Variants in CACNA2D1 observed in about 807,000 individuals in gnomAD.
CACNA2D1 encodes calcium voltage-gated channel auxiliary subunit alpha2delta 1, also known as voltage-dependent calcium channel subunit alpha-2/delta-1.
Under a neutral mutation model 171.5 loss-of-function variants are expected in CACNA2D1, and 53 were observed. That is an observed-to-expected ratio of 0.31 (90% CI 0.25 to 0.39). The LOEUF (loss-of-function observed/expected upper bound fraction) is 0.39. CACNA2D1 is among the 10% of genes least tolerant of loss of function. The probability of loss-of-function intolerance (pLI) is 1.00; values close to 1 mark genes in which losing one functional copy is unlikely to be tolerated. For missense variants in CACNA2D1, 903 were observed against 1,299.8 expected (o/e 0.69, Z 4.69); for synonymous variants, 442 against 443.1 (o/e 1.00, Z 0.03).
chr7:82,034,182 T>C (rs1803034848), intron 11 of CACNA2D1, among the ~76,000 whole-genome samples: 3 of 152,130 alleles, frequency 2.0e-5, no homozygotes, highest in Non-Finnish European at 2.9e-5. Context: ...ATCAGCCACC[T>C]TTCAAGTGCT....
intron 10 of CACNA2D1, among the ~76,000 whole-genome samples, chr7:82,052,225 G>C (rs1805274381): frequency 6.6e-6 from 1 of 152,048 alleles, no homozygotes; most frequent in African/African-American, 2.4e-5. Flanking sequence ...TACGGTCAAA[G>C]TTAACTATAG....
At chr7:82,011,347 C>A (rs1421392734) in intron 15 of CACNA2D1, among the ~76,000 whole-genome samples, 1 of 152,118 alleles carries the variant, frequency 6.6e-6, no homozygotes, top group Non-Finnish European at 1.5e-5. Flanking sequence ...GCATTCAAAG[C>A]CATCCTGGAC....
At chr7:82,130,338 A>G (rs1453877525) in intron 5 of CACNA2D1, among the ~76,000 whole-genome samples, 3 of 152,188 alleles carry the variant, frequency 2.0e-5, no homozygotes, top group African/African-American at 7.2e-5. Flanking sequence ...CCGCTTAGGG[A>G]AGTTACTGGT....
At chr7:82,373,927 A>C (rs4236669) in intron 1 of CACNA2D1, among the ~76,000 whole-genome samples, 1 of 152,072 alleles carries the variant, frequency 6.6e-6, no homozygotes, top group Admixed American at 6.5e-5. Flanking sequence ...TCATAGTTTC[A>C]AACAATACAA....
chr7:82,241,009 ATAAAG>A (rs1458854193), intron 3 of CACNA2D1, among the ~76,000 whole-genome samples: 1 of 151,970 alleles, frequency 6.6e-6, no homozygotes, highest in African/African-American at 2.4e-5. Context: ...TAAAGGTGTC[ATAAAG>A]TATAGTTATG....
At chr7:82,218,497 T>C (rs893702243) in intron 3 of CACNA2D1, among the ~76,000 whole-genome samples, 3 of 152,160 alleles carry the variant, frequency 2.0e-5, no homozygotes, top group Non-Finnish European at 2.9e-5. Context: ...TATTTGATAA[T>C]ATGTCCTGGT....
chr7:82,147,568 T>C (rs373365688), intron 4 of CACNA2D1, among the ~76,000 whole-genome samples: 1 of 152,160 alleles, frequency 6.6e-6, no homozygotes, highest in Non-Finnish European at 1.5e-5. Context: ...TTTCTTATGT[T>C]TCTTCCTATT....
At chr7:82,324,391 T>TAA (rs58332794) in intron 3 of CACNA2D1, among the ~76,000 whole-genome samples, 12,898 of 142,492 alleles carry the variant, frequency 0.091, 712 homozygotes, top group African/African-American at 0.15. Flanking sequence ...GGAGTTGTTT[T>TAA]AAAAAAAAAA....
chr7:82,200,827 T>C (rs1325828880), intron 3 of CACNA2D1, among the ~76,000 whole-genome samples: 4 of 152,296 alleles, frequency 2.6e-5, no homozygotes, highest in Admixed American at 2.0e-4. Context: ...TGAAGCTGTT[T>C]AACATATCTA....
chr7:82,116,423 C>G (rs1345510471), intron 6 of CACNA2D1, among the ~76,000 whole-genome samples: 1 of 152,168 alleles, frequency 6.6e-6, no homozygotes, highest in Non-Finnish European at 1.5e-5. Flanking sequence ...CCCTTTTTCA[C>G]AGGGAAGCCT....
chr7:81,962,528 C>G, intron 34 of CACNA2D1, 33 bp from the exon 35 acceptor site: 1 of 1,400,340 alleles, frequency 7.1e-7, no homozygotes, highest in Non-Finnish European at 9.9e-7. Context: ...AAATAAACAT[C>G]TAGGGAAAAA....
intron 3 of CACNA2D1, among the ~76,000 whole-genome samples, chr7:82,179,925 G>GGA (rs1554446962): frequency 6.6e-6 from 1 of 150,378 alleles, no homozygotes; most frequent in Non-Finnish European, 1.5e-5. Flanking sequence ...ACACCTGAGA[G>GGA]AAAAAAAAAG....
intron 22 of CACNA2D1, 30 bp downstream of exon 22, chr7:81,984,605 G>A (rs1188567131): frequency 2.4e-6 from 3 of 1,245,276 alleles, no homozygotes; most frequent in East Asian, 2.4e-5. Context: ...GATAACAAAT[G>A]GACCCTGAAG....
intron 27 of CACNA2D1, 109 bp downstream of exon 27, chr7:81,970,566 T>A: frequency 1.3e-6 from 1 of 754,622 alleles, no homozygotes; most frequent in Admixed American, 1.8e-5. Context: ...CAATGTAATC[T>A]AATGGCAATC....
chr7:82,028,413 T>A (rs1004441066), intron 12 of CACNA2D1: 1 of 151,794 alleles, frequency 6.6e-6, no homozygotes, highest in Admixed American at 6.6e-5. Flanking sequence ...GATTAATGTG[T>A]TTTCATGCCT....
At chr7:82,442,585 G>A (rs560205553) in intron 1 of CACNA2D1, among the ~76,000 whole-genome samples, 44 of 152,120 alleles carry the variant, frequency 2.9e-4, no homozygotes, top group Non-Finnish European at 5.7e-4. Context: ...TCTATTTCCA[G>A]AACAGCAGCG....
intron 1 of CACNA2D1, among the ~76,000 whole-genome samples, chr7:82,356,284 A>G (rs893391519): frequency 3.9e-5 from 6 of 152,184 alleles, no homozygotes; most frequent in African/African-American, 1.4e-4. Flanking sequence ...AGACTTTTTA[A>G]TCCAACCAAC....
intron 3 of CACNA2D1, among the ~76,000 whole-genome samples, chr7:82,283,576 G>C (rs1810386007): frequency 1.3e-5 from 2 of 152,182 alleles, no homozygotes; most frequent in South Asian, 4.1e-4. Context: ...TGGAGAGCAA[G>C]TTCTAAGGAC....
intron 1 of CACNA2D1, among the ~76,000 whole-genome samples, chr7:82,391,653 G>A (rs934838500): frequency 6.6e-6 from 1 of 152,148 alleles, no homozygotes; most frequent in South Asian, 2.1e-4. Context: ...CAGAAAGCAG[G>A]AGTTGTTTGC....
Sources: allele counts gnomAD v4.1 joint callset (sites outside exome capture counted in the v4.1 genomes callset), GRCh38; gene constraint gnomAD v4.1.1; transcripts MANE v1.5; gene names NCBI Gene and HGNC (gene_info 2026-07-23, HGNC 2026-07-21).